Variants in CEP72 observed in about 807,000 individuals in gnomAD.
CEP72 encodes centrosomal protein 72.
Under a neutral mutation model 65.7 loss-of-function variants are expected in CEP72, and 78 were observed. The observed-to-expected ratio is 1.19, with a 90% confidence interval of 0.99 to 1.43. The LOEUF (loss-of-function observed/expected upper bound fraction) is 1.43, where lower values mean the gene tolerates loss of function less well. CEP72 is among the 40% of genes most tolerant of loss of function. CEP72 has a pLI of 0.00. For missense variants in CEP72, 914 were observed against 832.9 expected (o/e 1.10, Z -1.20); for synonymous variants, 358 against 351.7 (o/e 1.02, Z -0.20).
At chr5:622,582 G>A (rs1318953575) in intron 3 of CEP72, among the ~76,000 whole-genome samples, 1 of 152,264 alleles carries the variant, frequency 6.6e-6, no homozygotes, top group African/African-American at 2.4e-5. Flanking sequence ...CCCTGCGGCT[G>A]GGCTTCCAGA....
At chr5:648,686 G>GA (rs1738624828) in intron 11 of CEP72, among the ~76,000 whole-genome samples, 1 of 126,858 alleles carries the variant, frequency 7.9e-6, no homozygotes, top group African/African-American at 2.9e-5. Flanking sequence ...TGTGAGGCGT[G>GA]ACTGTGAGGC....
At chr5:633,651 C>A in intron 4 of CEP72, 118 bp from the exon 5 acceptor site, 3 of 959,296 alleles carry the variant, frequency 3.1e-6, no homozygotes, top group Non-Finnish European at 3.2e-6. Context: ...GGCTGCCCCA[C>A]GTTTGCAGCA....
chr5:665,470 C>T (rs1366343827), intron 3 of CEP72: 2 of 665,122 alleles, frequency 3.0e-6, no homozygotes, highest in African/African-American at 3.6e-5. Context: ...GACCCTGGGG[C>T]AGCCTTGGGC....
At chr5:658,798 A>G (rs554596882), downstream of CEP72, among the ~76,000 whole-genome samples, 1 of 151,284 alleles carries the variant, frequency 6.6e-6, no homozygotes, top group East Asian at 2.0e-4. Flanking sequence ...CCTCCCGAGT[A>G]GCTGGGACTA....
At chr5:649,106 G>GACTGTGAGGTGT (rs1561062484) in intron 11 of CEP72, among the ~76,000 whole-genome samples, 1 of 81,496 alleles carries the variant, frequency 1.2e-5, no homozygotes, top group Non-Finnish European at 2.7e-5. Flanking sequence ...TGTGAGGTGT[G>GACTGTGAGGTGT]GACTGTGAGG....
rs1346889814 is a variant in CEP72 at position 639,205 on chromosome 5, C to G, written c.1323C>G (p.His441Gln). ...DRSWGGCRSL[H>Q]SNEAFLAQAR... ...GCTGGGGCGGCTGCAGGTCCCTGCA[C>G]AGCAACGAGGCATTCCTTGGTGAGT... Residue 441 changes from histidine (H) to glutamine (Q), a missense_variant, in exon 8 of 12, where the codon CAC becomes CAG. Physicochemically the swap from His to Gln is conservative, Grantham distance 24. Coordinates refer to ENST00000264935, the MANE Select transcript of CEP72 (RefSeq NM_018140.4). 4.4e-6 allele frequency: 7 copies of G among 1,589,396 alleles called. No homozygotes were observed. The highest frequency in any genetic ancestry group is 6.0e-6 in the Non-Finnish European group (7 of 1,163,950).
rs1348413703 is a variant in CEP72 at position 645,169 on chromosome 5, C to T, written c.1666+744C>T. 6.6e-6 allele frequency among the ~76,000 whole-genome samples: 1 copy of T among 151,956 alleles called. No homozygotes were observed. Among genetic ancestry groups the T allele is most frequent in the Non-Finnish European group, 1.5e-5 (1 of 68,004 alleles). On this transcript the variant is annotated intron_variant, in intron 10 of 11. Transcript: ENST00000264935. The surrounding 1 kb of genome is among the most constrained non-coding windows in gnomAD (Gnocchi z 4.0). ...AGGCCAGGTAGTAACCGTTTCAGGG[C>T]GTGTGGGTCTCACGATGTCTGTCCC...
intron 9 of CEP72, chr5:643,720 G>A (rs1738218495): frequency 1.1e-6 from 1 of 939,392 alleles, no homozygotes; most frequent in South Asian, 4.9e-5. Context: ...CGGCTTGGAT[G>A]GCTCACACCT....
At chr5:617,025 G>A (rs1311470388) in intron 1 of CEP72, among the ~76,000 whole-genome samples, 1 of 152,126 alleles carries the variant, frequency 6.6e-6, no homozygotes, top group Non-Finnish European at 1.5e-5. Context: ...GGCTGATGAT[G>A]TACAGAGAGT....
intron 9 of CEP72, chr5:643,745 G>A (rs1356686879): frequency 7.5e-6 from 6 of 799,368 alleles, no homozygotes; most frequent in East Asian, 2.5e-4. Flanking sequence ...AGACACCCTG[G>A]GGCCAGGGAG....
intron 9 of CEP72, chr5:643,553 C>T (rs927674218): frequency 1.1e-5 from 11 of 985,268 alleles, no homozygotes; most frequent in Admixed American, 1.2e-4. Flanking sequence ...ACCCCCAGCA[C>T]GAGGCTTCTG....
At chr5:658,645 A>ATTTTTTTTTTTTTT (rs70955278), downstream of CEP72, among the ~76,000 whole-genome samples, 1 of 55,986 alleles carries the variant, frequency 1.8e-5, no homozygotes, top group Non-Finnish European at 3.4e-5. Flanking sequence ...AGCAAAGCTG[A>ATTTTTTTTTTTTTT]TTTTTTTTTT....
intron 11 of CEP72, among the ~76,000 whole-genome samples, chr5:649,652 CTGTGAGGTGTGCCTGTGAGGCGTGGA>C (rs1738799037): frequency 1.4e-4 from 12 of 83,958 alleles, no homozygotes; most frequent in Admixed American, 4.3e-4. Flanking sequence ...TGAGGTGTGA[CTGTGAGGTGTGCCTGTGAGGCGTGGA>C]CTGTGAGGCG....
downstream of CEP72, among the ~76,000 whole-genome samples, chr5:671,979 C>G (rs1357499065): frequency 6.6e-6 from 1 of 152,200 alleles, no homozygotes; most frequent in Non-Finnish European, 1.5e-5. Flanking sequence ...ACCTGCTTTT[C>G]TGGGATGGAC....
intron 5 of CEP72, among the ~76,000 whole-genome samples, chr5:634,156 A>G (rs1220798187): frequency 6.6e-6 from 1 of 152,258 alleles, no homozygotes. Flanking sequence ...GAGTATAGTC[A>G]TACTGCATGA....
chr5:666,010 C>CT (rs1226705468), exon 4 of CEP72: 1 of 1,608,350 alleles, frequency 6.2e-7, no homozygotes. Context: ...CTCGATGAGC[C>CT]TGTGCACCTC....
rs374768473 is a variant in CEP72 at position 644,426 on chromosome 5, G to T, written c.1666+1G>T. Reference sequence around the variant, plus strand: ...GCCACGTTAAATTTGCAGATCGCTGGTAAGTTGATCGTGTATTTGGTCACT... The same window carrying T: ...GCCACGTTAAATTTGCAGATCGCTGTTAAGTTGATCGTGTATTTGGTCACT... On this transcript the variant is annotated splice_donor_variant, in intron 10 of 11. Coordinates refer to ENST00000264935, the MANE Select transcript of CEP72 (RefSeq NM_018140.4). LOFTEE classifies it high-confidence loss of function. 1.9e-6 allele frequency: 3 copies of T among 1,613,606 alleles called. No homozygotes were observed. The highest frequency in any genetic ancestry group is 2.5e-6 in the Non-Finnish European group (3 of 1,179,822).
intron 4 of CEP72, among the ~76,000 whole-genome samples, chr5:625,087 G>T (rs547890856): frequency 6.6e-6 from 1 of 152,326 alleles, no homozygotes; most frequent in East Asian, 1.9e-4. Context: ...GCCACCTTCG[G>T]AGACCGTGGG....
chr5:649,964 TG>T (rs149316719), intron 11 of CEP72, among the ~76,000 whole-genome samples: 92 of 3,624 alleles, frequency 0.025, no homozygotes, highest in African/African-American at 0.038. Context: ...CTGTGAGGCG[TG>T]GACTGTGAGG....
Sources: allele counts gnomAD v4.1 joint callset (sites outside exome capture counted in the v4.1 genomes callset), GRCh38; gene constraint gnomAD v4.1.1; non-coding constraint Gnocchi (gnomAD v3.1); transcripts MANE v1.5; gene names NCBI Gene and HGNC (gene_info 2026-07-23, HGNC 2026-07-21).